SPOUT1: variants seen among roughly 807,000 people sequenced by gnomAD.
The protein encoded by SPOUT1 is 28S rRNA (uridine-N(3))-methyltransferase.
A neutral mutation model predicts 54.8 loss-of-function variants in SPOUT1; 40 were observed. The ratio of observed to expected loss-of-function variants is 0.73; its 90% CI spans 0.57 to 0.95. SPOUT1 has a LOEUF of 0.95. SPOUT1 is among the 40% of genes least tolerant of loss of function. The pLI is 0.00. For synonymous variants in SPOUT1, 193 were observed against 200.3 expected (o/e 0.96, Z 0.31); for missense variants, 437 against 499.5 (o/e 0.87, Z 1.19).
intron 3 of SPOUT1, among the ~76,000 whole-genome samples, chr9:128,828,455 C>A (rs577823665): frequency 6.7e-6 from 1 of 149,840 alleles, no homozygotes; most frequent in African/African-American, 2.4e-5. Flanking sequence ...GAGATGGCGC[C>A]GTTGCACTCC....
Position 128,826,009 on chromosome 9 carries a change from T to G in SPOUT1, c.639+13A>C. ...TCCTGGAGGTGTGTCCTAGCCCATC[T>G]TTCTGTTCCTACCTTTTTCATGCCA... is the stretch of plus-strand genomic sequence containing the variant. On this transcript the variant is annotated intron_variant, in intron 7 of 11. Transcript: ENST00000361256. The surrounding 1 kb of genome is among the most constrained non-coding windows in gnomAD (Gnocchi z 5.5). 2 of 1,614,116 alleles carry G rather than the reference T, an allele frequency of 1.2e-6. No individual in the cohort carries two copies. Among genetic ancestry groups the G allele is most frequent in the Non-Finnish European group, 1.7e-6 (2 of 1,179,996 alleles).
rs1200182233 is a variant in SPOUT1, at chr9:128,828,794, T to TGTGCCC, written c.143_148dup (p.Arg48_Ala49dup). 4 of 1,614,196 alleles carry TGTGCCC rather than the reference T, an allele frequency of 2.5e-6. No homozygotes were observed. The highest frequency in any genetic ancestry group is 1.7e-5 in the Admixed American group (1 of 60,028). On this transcript the variant is annotated inframe_insertion, in exon 3 of 12. Coordinates refer to ENST00000361256, the MANE Select transcript of SPOUT1 (RefSeq NM_016390.4). ...TTCCAGGCGCTTTGCCTGTTCCTCC[T>TGTGCCC]GTGCCCGCTGCCGCTCCAGTTTTTT...
At position 128,829,727 on chromosome 9, in the gene SPOUT1, C is replaced by A. The variant is rs764678566; in HGVS notation, c.36+18G>T. ...TCCACCATGCTGCCCTGCACGGGGT[C>A]CCGCCGCCCGCACTTACCGGGCCGC... On this transcript the variant is annotated intron_variant, in intron 1 of 11. Transcript: ENST00000361256. The A allele has an allele frequency of 6.3e-7, 1 of 1,587,302 alleles. No homozygotes were observed. Among genetic ancestry groups the A allele is most frequent in the Non-Finnish European group, 8.6e-7 (1 of 1,165,262 alleles).
At position 128,820,496 on chromosome 9, in the gene SPOUT1, G is replaced by A. The variant is rs558654476; in HGVS notation, c.*2269C>T. The A allele has an allele frequency of 3.0e-5, 15 of 506,206 alleles. No homozygotes were observed. Among genetic ancestry groups the A allele is most frequent in the East Asian group, 2.6e-4 (8 of 30,700 alleles). The allele number at this position is 506,206 out of a possible 1,614,324, so 31.4% of individuals were successfully genotyped here. The stretch of plus-strand genomic sequence containing the variant: ...GTGGAGACAGGCTCTTCCTTCATTC[G>A]ACTCTTGGGAGCTGAGAAAAGACTT... On this transcript the variant is annotated 3_prime_UTR_variant, in exon 12 of 12. Transcript: ENST00000361256.
chr9:128,826,717 C>T lies in SPOUT1; in HGVS notation c.369-88G>A. ...AAGTGCACGCGTATAATCCCAGCTA[C>T]TCAGGAGGCTAAGGTGGGAGGATCA... On this transcript the variant is annotated intron_variant, in intron 4 of 11. Transcript: ENST00000361256. This position sits in a 1 kb window ranked among gnomAD's most constrained non-coding sequence, Gnocchi z 5.5. 1.1e-6 allele frequency: 1 copy of T among 949,904 alleles called. No individual in the cohort carries two copies. 58.8% of individuals were successfully genotyped at this position (949,904 alleles called of 1,614,324 possible). A position where few individuals can be genotyped will look rare whatever the true frequency, so the allele number is the denominator to read the frequency against.
Position 128,826,781 on chromosome 9 carries a change from C to T in SPOUT1, c.369-152G>A, listed in dbSNP as rs990717957. ...AGTAGAGGCTGCAGTGAGCCATGAC[C>T]ATGCCACTGCATGCACTCCAGCCGG... On this transcript the variant is annotated intron_variant, in intron 4 of 11. Transcript: ENST00000361256. This position sits in a 1 kb window ranked among gnomAD's most constrained non-coding sequence, Gnocchi z 5.5. The T allele has an allele frequency of 7.4e-6, 5 of 674,808 alleles. No individual in the cohort carries two copies. The highest frequency in any genetic ancestry group is 1.2e-5 in the Non-Finnish European group (5 of 402,448). 41.8% of individuals were successfully genotyped at this position (674,808 alleles called of 1,614,324 possible). A position where few individuals can be genotyped will look rare whatever the true frequency, so the allele number is the denominator to read the frequency against.
At chr9:128,824,254 CG>C in intron 9 of SPOUT1, 80 bp from the exon 10 acceptor site, 2 of 316,092 alleles carry the variant, frequency 6.3e-6, no homozygotes, top group Non-Finnish European at 1.2e-5. Flanking sequence ...TGTACTGAGG[CG>C]GGGGTGGGTG....
At chr9:128,823,283 G>A (rs956047083) in intron 11 of SPOUT1, among the ~76,000 whole-genome samples, 2 of 152,124 alleles carry the variant, frequency 1.3e-5, no homozygotes, top group African/African-American at 2.4e-5. Flanking sequence ...CAGAGTTCCC[G>A]TAGCACAGCG....
At position 128,828,984 on chromosome 9, in the gene SPOUT1, G is replaced by T. The variant is rs1184033465; in HGVS notation, c.83-124C>A. ...CAAGGGAGCCTCCCCAGGGCTCCCG[G>T]CCCCTGCCTCCCCACTTTGTGTGCT... On this transcript the variant is annotated intron_variant, in intron 2 of 11. Transcript: ENST00000361256. 3.3e-6 allele frequency: 5 copies of T among 1,507,556 alleles called. No individual in the cohort carries two copies. The African/African-American group carries it at 6.9e-5, about 21-fold the overall frequency. The allele number at this position is 1,507,556 out of a possible 1,614,324, so 93.4% of individuals were successfully genotyped here. A position where few individuals can be genotyped will look rare whatever the true frequency, so the allele number is the denominator to read the frequency against.
At chr9:128,823,558 G>C (rs2118790911) in intron 11 of SPOUT1, among the ~76,000 whole-genome samples, 189 bp downstream of exon 11, 1 of 152,308 alleles carries the variant, frequency 6.6e-6, no homozygotes, top group African/African-American at 2.4e-5. Flanking sequence ...ACGGGCACTA[G>C]CACCCATGGT....
chr9:128,823,332 T>A (rs1830166514), intron 11 of SPOUT1, among the ~76,000 whole-genome samples: 1 of 152,120 alleles, frequency 6.6e-6, no homozygotes, highest in South Asian at 2.1e-4. Flanking sequence ...ACAGGTTCCA[T>A]GAGGCCAGGA....
Position 128,829,748 on chromosome 9 carries a change from G to T in SPOUT1, c.33C>A (p.Gly11=). Residue 11 remains glycine (G), a synonymous_variant, in exon 1 of 12, where the codon GGC becomes GGA. Coordinates refer to ENST00000361256, the MANE Select transcript of SPOUT1 (RefSeq NM_016390.4). MAERGRKRPC[G]PGEHGQRIEW... ...GGGTCCCGCCGCCCGCACTTACCGG[G>T]CCGCACGGCCGCTTCCTGCCGCGCT... The T allele has an allele frequency of 6.2e-7, 1 of 1,601,056 alleles. No individual in the cohort carries two copies. The highest frequency in any genetic ancestry group is 1.7e-5 in the Admixed American group (1 of 57,996).
rs774773242 is a variant in SPOUT1 at position 128,829,754 on chromosome 9, C to A, written c.27G>T (p.Pro9=). 5.6e-6 allele frequency: 9 copies of A among 1,601,616 alleles called. No individual in the cohort carries two copies. In the East Asian group the frequency reaches 1.8e-4, roughly 32 times the overall value. Residue 9 remains proline (P), a synonymous_variant, in exon 1 of 12, where the codon CCG becomes CCT. Coordinates refer to ENST00000361256, the MANE Select transcript of SPOUT1 (RefSeq NM_016390.4). ...CGCCGCCCGCACTTACCGGGCCGCA[C>A]GGCCGCTTCCTGCCGCGCTCCGCCA... is the stretch of plus-strand genomic sequence containing the variant. The part of the protein sequence containing the change: MAERGRKR[P]CGPGEHGQRI...
intron 8 of SPOUT1, 48 bp downstream of exon 8, chr9:128,824,929 C>G (rs1830208234): frequency 6.2e-7 from 1 of 1,601,708 alleles, no homozygotes; most frequent in African/African-American, 1.3e-5. Context: ...GTGGCTGAAC[C>G]CTGGAGCTCA....
Position 128,826,474 on chromosome 9 carries a change from C to T in SPOUT1, c.459-41G>A. The T allele has an allele frequency of 6.2e-7, 1 of 1,611,154 alleles. No homozygotes were observed. The highest frequency in any genetic ancestry group is 8.5e-7 in the Non-Finnish European group (1 of 1,177,432). ...GACCTCAGGATGTTCCCAGGGGAAG[C>T]CGCCTCCTACCTGGTCTCCACTTTG... is the stretch of plus-strand genomic sequence containing the variant. On this transcript the variant is annotated intron_variant, in intron 5 of 11. Transcript: ENST00000361256. This position sits in a 1 kb window ranked among gnomAD's most constrained non-coding sequence, Gnocchi z 5.5.
Position 128,824,135 on chromosome 9 carries a change from T to C in SPOUT1, c.851A>G (p.Asp284Gly). The C allele has an allele frequency of 6.2e-7, 1 of 1,613,574 alleles. No individual in the cohort carries two copies. Among genetic ancestry groups the C allele is most frequent in the Non-Finnish European group, 8.5e-7 (1 of 1,179,930 alleles). Reference sequence around the variant, plus strand: ...GCGCTCTGACGTCCCGATGGTCAGGTCATACCCATCTTGGAAGGGGGCCTC... The same window carrying C: ...GCGCTCTGACGTCCCGATGGTCAGGCCATACCCATCTTGGAAGGGGGCCTC... ...FAEAPFQDGY[D>G]LTIGTSERGS... The change falls in exon 10 of 12, where the codon GAC (aspartate) becomes GGC (glycine). Residue 284 changes from aspartate (D) to glycine (G), a missense_variant. Physicochemically the swap from Asp to Gly is moderately conservative, Grantham distance 94 (BLOSUM62 -1). Transcript: ENST00000361256.
chr9:128,825,186 CT>C, intron 7 of SPOUT1, 137 bp from the exon 8 acceptor site: 6 of 645,148 alleles, frequency 9.3e-6, no homozygotes, highest in Non-Finnish European at 1.7e-5. Context: ...CCCTCCACCC[CT>C]GGCACCGGCT....
At chr9:128,824,716 C>T (rs911954595) in intron 9 of SPOUT1, 55 bp downstream of exon 9, 43 of 1,389,990 alleles carry the variant, frequency 3.1e-5, no homozygotes, top group Admixed American at 6.9e-5. Context: ...GCAAGGCTCC[C>T]GGCCACCTCC....
chr9:128,828,881 A>G, intron 2 of SPOUT1, 21 bp from the exon 3 acceptor site: 1 of 1,613,558 alleles, frequency 6.2e-7, no homozygotes, highest in Non-Finnish European at 8.5e-7. Context: ...GAACATCCTA[A>G]TTGGCCAAGG....
Sources: gnomAD v4.1 joint callset for allele counts (sites outside exome capture counted in the v4.1 genomes callset) on GRCh38, gnomAD v4.1.1 for gene constraint, Gnocchi (gnomAD v3.1) non-coding constraint, MANE v1.5 for transcripts, NCBI Gene and HGNC (gene_info 2026-07-23, HGNC 2026-07-21) for gene names.